The following LRRFIP1 variants were observed in gnomAD, a reference collection of about 807,000 sequenced individuals.
LRRFIP1 encodes the protein leucine-rich repeat flightless-interacting protein 1.
LRRFIP1 carries 62 observed loss-of-function variants against 104.4 expected under a neutral mutation model. The ratio of observed to expected loss-of-function variants is 0.59; its 90% confidence interval spans 0.48 to 0.73. LRRFIP1 has a LOEUF of 0.73. LRRFIP1 is among the 30% of genes least tolerant of loss of function. The pLI is 0.00. For synonymous variants in LRRFIP1, 300 were observed against 299.0 expected (o/e 1.00, Z -0.03); for missense variants, 796 against 824.5 (o/e 0.97, Z 0.42).
chr2:237,672,795 G>A (rs769422998), intron 1 of LRRFIP1, among the ~76,000 whole-genome samples: 1 of 152,178 alleles, frequency 6.6e-6, no homozygotes, highest in Non-Finnish European at 1.5e-5. Context: ...GTATCCAAAT[G>A]TGGATGATAT....
At position 237,748,163 on chromosome 2, in the gene LRRFIP1, G is replaced by C. The variant is rs542460965; in HGVS notation, c.634-201G>C. On this transcript the variant is annotated intron_variant, in intron 11 of 23. Transcript: ENST00000308482. ...GGGTCCTCAGGGACGTCCAAATGAG[G>C]ACAAGAGAAGAAGGGGCCTCACAGA... Among the ~76,000 whole-genome samples, 7 of 152,320 alleles carry C rather than the reference G, an allele frequency of 4.6e-5. No individual in the cohort carries two copies. In the East Asian group the frequency reaches 1.2e-3, roughly 25 times the overall value.
At position 237,702,247 on chromosome 2, in the gene LRRFIP1, CGT is replaced by C. The variant is rs199933937; in HGVS notation, c.97-6295_97-6294del. On this transcript the variant is annotated intron_variant, in intron 1 of 23. Transcript: ENST00000308482. The stretch of plus-strand genomic sequence containing the variant: ...TAAGACGCAACAATAGAACTCGAGT[CGT>C]GGTTCGGCTTTCTAGGATTAGGACA... Among the ~76,000 whole-genome samples, 204 of 152,306 alleles carry C rather than the reference CGT, an allele frequency of 1.3e-3. 6 individuals carry two copies. The East Asian group carries it at 0.033, about 25-fold the overall frequency.
chr2:237,749,137 T>G, intron 12 of LRRFIP1, 62 bp from the exon 13 acceptor site: 4,612 of 1,497,060 alleles, frequency 3.1e-3, no homozygotes, highest in Non-Finnish European at 3.8e-3. Flanking sequence ...CAATTCCAGA[T>G]GAGATTTGGG....
At chr2:237,709,219 C>T (rs932806454) in intron 2 of LRRFIP1, among the ~76,000 whole-genome samples, 1 of 152,206 alleles carries the variant, frequency 6.6e-6, no homozygotes, top group African/African-American at 2.4e-5. Flanking sequence ...TTTTCATCAT[C>T]TTGAGCTGGA....
chr2:237,762,874 G>A, intron 19 of LRRFIP1: 1 of 1,614,190 alleles, frequency 6.2e-7, no homozygotes, highest in Non-Finnish European at 8.5e-7. Context: ...ACACAGTACA[G>A]GTTGAGTCAA....
intron 1 of LRRFIP1, among the ~76,000 whole-genome samples, chr2:237,697,553 T>G (rs2093272052): frequency 6.6e-6 from 1 of 152,200 alleles, no homozygotes; most frequent in Non-Finnish European, 1.5e-5. Context: ...AGCTGCTGTT[T>G]CTTTTATAGC....
chr2:237,653,772 A>G (rs12464892), intron 1 of LRRFIP1, among the ~76,000 whole-genome samples: 15,433 of 152,278 alleles, frequency 0.1, 861 homozygotes, highest in African/African-American at 0.13. Flanking sequence ...TAATCTCCTC[A>G]ATAAGTGATG....
At chr2:237,773,442 G>A (rs1159715598) in intron 22 of LRRFIP1, among the ~76,000 whole-genome samples, 2 of 152,142 alleles carry the variant, frequency 1.3e-5, no homozygotes, top group Non-Finnish European at 2.9e-5. Context: ...GGAGGCTGAA[G>A]CAGGAGAATC....
At chr2:237,663,479 C>T (rs2088487862) in intron 1 of LRRFIP1, among the ~76,000 whole-genome samples, 2 of 152,184 alleles carry the variant, frequency 1.3e-5, no homozygotes, top group Non-Finnish European at 1.5e-5. Flanking sequence ...GCCCTCACCC[C>T]TTCTATGAAC....
At position 237,753,457 on chromosome 2, in the gene LRRFIP1, G is replaced by A. The variant is rs1261605000; in HGVS notation, c.1016G>A (p.Arg339Gln). The stretch of plus-strand genomic sequence containing the variant: ...GAAGAACAGCTGGCTGAATCTAGGC[G>A]GCAGTACGAAGAGAAAAACAAAGTA... ...ELEEQLAESR[R>Q]QYEEKNKEFE... Residue 339 changes from arginine to glutamine, a missense_variant, in exon 15 of 24, where the codon CGG (arginine) becomes CAG (glutamine). Arg to Gln is a conservative substitution (Grantham distance 43). Transcript: ENST00000308482. The A allele has an allele frequency of 2.5e-6, 4 of 1,591,086 alleles. No homozygotes were observed. The highest frequency in any genetic ancestry group is 3.9e-5 in the Admixed American group (2 of 51,464).
intron 1 of LRRFIP1, among the ~76,000 whole-genome samples, chr2:237,671,812 ATG>A (rs1434354155): frequency 6.7e-6 from 1 of 149,776 alleles, no homozygotes; most frequent in African/African-American, 2.5e-5. Context: ...GTGTGCCTGC[ATG>A]TGTGTGTGCA....
chr2:237,693,825 G>A (rs932025102), intron 1 of LRRFIP1, among the ~76,000 whole-genome samples: 1 of 152,168 alleles, frequency 6.6e-6, no homozygotes, highest in Non-Finnish European at 1.5e-5. Flanking sequence ...AATCAGAGGA[G>A]TAGGTAGAGG....
At position 237,711,789 on chromosome 2, in the gene LRRFIP1, G is replaced by T. The variant is rs149441987; in HGVS notation, c.184-2470G>T. ...GGACACCGAGTGAAGCAGCTCTACC[G>T]GGGGGTGGGGAAGCCACTCCTTGTG... On this transcript the variant is annotated intron_variant, in intron 2 of 23. Transcript: ENST00000308482. This position sits in a 1 kb window ranked among gnomAD's most constrained non-coding sequence, Gnocchi z 4.4. Among the ~76,000 whole-genome samples the T allele has an allele frequency of 6.6e-6, 1 of 152,122 alleles. No homozygotes were observed. Among genetic ancestry groups the T allele is most frequent in the African/African-American group, 2.4e-5 (1 of 41,422 alleles).
At chr2:237,742,343 G>T (rs11693524) in intron 11 of LRRFIP1, among the ~76,000 whole-genome samples, 1 of 152,114 alleles carries the variant, frequency 6.6e-6, no homozygotes, top group Non-Finnish European at 1.5e-5. Context: ...GGTCAGTCCC[G>T]CAGTGAGGGA....
intron 5 of LRRFIP1, among the ~76,000 whole-genome samples, chr2:237,720,284 A>G (rs1270752452): frequency 4.1e-5 from 6 of 146,902 alleles, no homozygotes; most frequent in South Asian, 4.3e-4. Flanking sequence ...GTCTTGCTCT[A>G]TTGCCCAGGC....
At position 237,714,295 on chromosome 2, in the gene LRRFIP1, A is replaced by G; in HGVS notation, c.201+19A>G. Reference sequence around the variant, plus strand: ...CCAAAAGGTAGGCTCTTCTTTCTTTATTTTCTAACTTGCATGTACTGTTTT... The same window carrying G: ...CCAAAAGGTAGGCTCTTCTTTCTTTGTTTTCTAACTTGCATGTACTGTTTT... On this transcript the variant is annotated intron_variant, in intron 3 of 23. Coordinates refer to ENST00000308482, the MANE Select transcript of LRRFIP1 (RefSeq NM_001137550.2). The G allele has an allele frequency of 1.3e-6, 2 of 1,592,078 alleles. No individual in the cohort carries two copies. Among genetic ancestry groups the G allele is most frequent in the Non-Finnish European group, 1.7e-6 (2 of 1,163,964 alleles).
intron 1 of LRRFIP1, among the ~76,000 whole-genome samples, chr2:237,664,214 G>A (rs767010808): frequency 6.6e-6 from 1 of 152,264 alleles, no homozygotes; most frequent in Non-Finnish European, 1.5e-5. Flanking sequence ...CCTGGCTGGG[G>A]CCGCAGTGGG....
At chr2:237,761,325 A>G (rs137972268) in intron 19 of LRRFIP1, among the ~76,000 whole-genome samples, 199 of 152,336 alleles carry the variant, frequency 1.3e-3, no homozygotes, top group Admixed American at 2.7e-3. Context: ...CAGGAATTCC[A>G]GGCCAGCCTG....
chr2:237,699,689 G>A (rs13419143), intron 1 of LRRFIP1, among the ~76,000 whole-genome samples: 37,428 of 152,108 alleles, frequency 0.25, 4,823 homozygotes, highest in East Asian at 0.31. Context: ...GCAGTCAAGG[G>A]AAAAGTTCTT....
Sources: allele counts gnomAD v4.1 joint callset (sites outside exome capture counted in the v4.1 genomes callset), GRCh38; gene constraint gnomAD v4.1.1; non-coding constraint Gnocchi (gnomAD v3.1); transcripts MANE v1.5; gene names NCBI Gene and HGNC (gene_info 2026-07-23, HGNC 2026-07-21).